The following RBM27 variants were observed in gnomAD, a reference collection of about 807,000 sequenced individuals.
The protein encoded by RBM27 is RNA binding motif protein 27.
Under a neutral mutation model 135.3 loss-of-function variants are expected in RBM27, and 22 were observed. The observed-to-expected ratio is 0.16, with a 90% CI of 0.12 to 0.23. The LOEUF is 0.23. Ranked by LOEUF, RBM27 falls within the 10% of genes least tolerant of loss-of-function variation. RBM27 has a pLI of 1.00. For missense variants in RBM27, 1,009 were observed against 1,281.0 expected (o/e 0.79, Z 3.24); for synonymous variants, 481 against 442.4 (o/e 1.09, Z -1.10).
At chr5:146,281,720 C>T (rs2126917134) in intron 19 of RBM27, among the ~76,000 whole-genome samples, 1 of 152,288 alleles carries the variant, frequency 6.6e-6, no homozygotes, top group South Asian at 2.1e-4. Context: ...GGCTATTTGC[C>T]AGTTAAATGT....
intron 4 of RBM27, 62 bp from the exon 5 acceptor site, chr5:146,229,655 A>G: frequency 7.3e-7 from 1 of 1,376,774 alleles, no homozygotes; most frequent in Non-Finnish European, 1.0e-6. Flanking sequence ...TTTATACTAT[A>G]GATTTGTTTG....
rs571659343 is a variant in RBM27, at chr5:146,228,364, C to T, written c.304-582C>T. Among the ~76,000 whole-genome samples, 43 of 150,054 alleles carry T rather than the reference C, an allele frequency of 2.9e-4. No individual in the cohort carries two copies. The East Asian group carries it at 7.2e-3, about 25-fold the overall frequency. ...TGGCGTGATCTCGGCTCACTGCAACCTCTGCCTCCTGGGTTCAAATGATTC... is the reference window on the plus strand; with the variant it reads ...TGGCGTGATCTCGGCTCACTGCAACTTCTGCCTCCTGGGTTCAAATGATTC... On this transcript the variant is annotated intron_variant, in intron 3 of 20. Transcript: ENST00000265271.
intron 3 of RBM27, 70 bp from the exon 4 acceptor site, chr5:146,228,876 A>C (rs1451888679): frequency 1.6e-6 from 2 of 1,254,704 alleles, no homozygotes; most frequent in African/African-American, 3.0e-5. Context: ...ACCTCGTAAA[A>C]TGTTGGGATT....
chr5:146,272,931 T>C (rs185948957), intron 19 of RBM27, among the ~76,000 whole-genome samples: 2 of 152,286 alleles, frequency 1.3e-5, no homozygotes, highest in Admixed American at 1.3e-4. Context: ...GTAACCCTTA[T>C]TTGCCTTTTT....
At chr5:146,256,871 GAC>G (rs1758127212) in intron 10 of RBM27, among the ~76,000 whole-genome samples, 1 of 151,722 alleles carries the variant, frequency 6.6e-6, no homozygotes, top group Non-Finnish European at 1.5e-5. Flanking sequence ...CCTTTAATAT[GAC>G]ACACTTCATT....
chr5:146,220,122 G>C (rs1756381577), intron 2 of RBM27, among the ~76,000 whole-genome samples: 1 of 152,096 alleles, frequency 6.6e-6, no homozygotes, highest in South Asian at 2.1e-4. Context: ...TTTGCCTTTT[G>C]TTTGGTTGAG....
chr5:146,233,763 A>T lies in RBM27; in HGVS notation c.1144+20A>T, dbSNP rs761283661. On this transcript the variant is annotated intron_variant, in intron 7 of 20. Transcript: ENST00000265271. ...TACCAAGTAAGTATATATTTGTTGA[A>T]TTTTTCTCTAGCGTTCTGTTTAGAA... 1 of 1,358,926 alleles carries T rather than the reference A, an allele frequency of 7.4e-7. No individual in the cohort carries two copies. Among genetic ancestry groups the T allele is most frequent in the South Asian group, 2.5e-5 (1 of 40,540 alleles). 84.2% of individuals were successfully genotyped at this position (1,358,926 alleles called of 1,614,324 possible). A position where few individuals can be genotyped will look rare whatever the true frequency, so the allele number is the denominator to read the frequency against.
At chr5:146,277,517 A>ATTTT (rs371321141) in intron 19 of RBM27, among the ~76,000 whole-genome samples, 7 of 125,540 alleles carry the variant, frequency 5.6e-5, no homozygotes, top group Admixed American at 2.5e-4. Context: ...TACTGGGATA[A>ATTTT]TTTTTTTTTT....
intron 10 of RBM27, 21 bp downstream of exon 10, chr5:146,255,113 T>C (rs372020451): frequency 1.6e-5 from 26 of 1,596,868 alleles, no homozygotes; most frequent in Non-Finnish European, 2.1e-5. Flanking sequence ...CTTGAACTTT[T>C]TCTGATGCTA....
At position 146,229,021 on chromosome 5, in the gene RBM27, G is replaced by C. The variant is rs1756808918; in HGVS notation, c.379G>C (p.Glu127Gln). The C allele has an allele frequency of 6.2e-7, 1 of 1,613,270 alleles. No homozygotes were observed. The highest frequency in any genetic ancestry group is 1.1e-5 in the South Asian group (1 of 91,024). Residue 127 changes from glutamate to glutamine, a missense_variant, in exon 4 of 21, where the codon GAA becomes CAA. By Grantham distance (29) the Glu-to-Gln change is conservative. Coordinates refer to ENST00000265271, the MANE Select transcript of RBM27 (RefSeq NM_018989.2). Reference sequence around the variant, plus strand: ...TCCTAGTCCCCAGAAGACTCGTTCAGAATCTAGTGAACGAAGGTTTGTGTT... The same window carrying C: ...TCCTAGTCCCCAGAAGACTCGTTCACAATCTAGTGAACGAAGGTTTGTGTT... ...KYPSPQKTRS[E>Q]SSERRTREKK...
In RBM27 at chr5:146,270,977, T is replaced by C. The variant is rs1758836764; in HGVS notation, c.2715T>C (p.Thr905=). 7 of 1,612,892 alleles carry C rather than the reference T, an allele frequency of 4.3e-6. No individual in the cohort carries two copies. Among genetic ancestry groups the C allele is most frequent in the Non-Finnish European group, 5.9e-6 (7 of 1,179,270 alleles). The stretch of plus-strand genomic sequence containing the variant: ...AGGCCCAGAAGGAGTTATTAGATAC[T>C]GAACTGGACCTCCACAAGAGGCTGT... ...KTEAQKELLD[T]ELDLHKRLSS... The change falls in exon 18 of 21, where the codon ACT becomes ACC. Residue 905 remains threonine, a synonymous_variant. Coordinates refer to ENST00000265271, the MANE Select transcript of RBM27 (RefSeq NM_018989.2).
At chr5:146,218,203 A>G (rs1756296440) in intron 1 of RBM27, among the ~76,000 whole-genome samples, 2 of 152,240 alleles carry the variant, frequency 1.3e-5, no homozygotes, top group South Asian at 4.1e-4. Context: ...TGTGATGTAC[A>G]TAAAACCTCG....
intron 8 of RBM27, among the ~76,000 whole-genome samples, chr5:146,246,302 A>C (rs756690548): frequency 5.9e-5 from 9 of 152,164 alleles, no homozygotes; most frequent in Non-Finnish European, 1.0e-4. Context: ...CTAAAATTTT[A>C]GGTTGAATAA....
Position 146,286,277 on chromosome 5 carries a change from G to A in RBM27, c.*247G>A, listed in dbSNP as rs1452780808. 1 of 285,676 alleles carries A rather than the reference G, an allele frequency of 3.5e-6. No homozygotes were observed. Among genetic ancestry groups the A allele is most frequent in the Non-Finnish European group, 6.4e-6 (1 of 156,088 alleles). 17.7% of individuals were successfully genotyped at this position (285,676 alleles called of 1,614,324 possible). ...AGCAATGACATGGATAATCTCTAGA[G>A]CCTTATTTTCCACACCACCTTTTTT... On this transcript the variant is annotated 3_prime_UTR_variant, in exon 21 of 21. Transcript: ENST00000265271.
At chr5:146,231,129 C>A (rs1334722480) in intron 6 of RBM27, among the ~76,000 whole-genome samples, 2 of 152,076 alleles carry the variant, frequency 1.3e-5, no homozygotes, top group Non-Finnish European at 2.9e-5. Context: ...TCAAGCGATT[C>A]TCCTTCCTCA....
intron 19 of RBM27, among the ~76,000 whole-genome samples, chr5:146,284,171 TAAG>T (rs769319948): frequency 9.9e-5 from 15 of 152,264 alleles, no homozygotes; most frequent in African/African-American, 2.9e-4. Context: ...GAAGTGGAAA[TAAG>T]AAGAACTTTA....
At chr5:146,221,456 A>C (rs1446469514) in intron 2 of RBM27, among the ~76,000 whole-genome samples, 2 of 152,000 alleles carry the variant, frequency 1.3e-5, no homozygotes, top group Non-Finnish European at 2.9e-5. Context: ...TTTTTGAGAC[A>C]GAGTTTCGCT....
At chr5:146,210,611 C>T (rs1755891565) in intron 1 of RBM27, among the ~76,000 whole-genome samples, 2 of 152,116 alleles carry the variant, frequency 1.3e-5, no homozygotes, top group African/African-American at 4.8e-5. Context: ...TTTGCTGATG[C>T]TTTAATCTTG....
At chr5:146,266,804 G>A (rs1297136281) in intron 14 of RBM27, among the ~76,000 whole-genome samples, 1 of 152,070 alleles carries the variant, frequency 6.6e-6, no homozygotes, top group African/African-American at 2.4e-5. Flanking sequence ...AGGCTTGCAG[G>A]CTCGCACCTA....
Sources: gnomAD v4.1 joint callset for allele counts (sites outside exome capture counted in the v4.1 genomes callset) on GRCh38, gnomAD v4.1.1 for gene constraint, MANE v1.5 for transcripts, NCBI Gene and HGNC (gene_info 2026-07-23, HGNC 2026-07-21) for gene names.